Variants in FAM178B observed in about 807,000 individuals in gnomAD.
The protein encoded by FAM178B is protein FAM178B.
Under a neutral mutation model 91.7 loss-of-function variants are expected in FAM178B, and 82 were observed. The observed-to-expected ratio is 0.89, with a 90% CI of 0.75 to 1.07. FAM178B has a LOEUF of 1.07. Ranked by LOEUF, FAM178B falls within the 50% of genes least tolerant of loss-of-function variation. The pLI is 0.00. For synonymous variants in FAM178B, 368 were observed against 359.4 expected (o/e 1.02, Z -0.27); for missense variants, 769 against 846.7 (o/e 0.91, Z 1.14).
chr2:96,913,639 C>T (rs1434007566), intron 12 of FAM178B, among the ~76,000 whole-genome samples: 4 of 152,334 alleles, frequency 2.6e-5, no homozygotes, highest in East Asian at 1.9e-4. Flanking sequence ...TCTGCACTTC[C>T]GCTCCATCAG....
In FAM178B at chr2:96,968,671, C is replaced by T. The variant is rs567765517; in HGVS notation, c.627-1044G>A. ...CCACCAGAAGCCCCATCACCCTCCT[C>T]CCAGGGGCCTCCTGGCTGTGAGCCC... On this transcript the variant is annotated intron_variant, in intron 4 of 16. Transcript: ENST00000490605. Among the ~76,000 whole-genome samples, 164 of 131,430 alleles carry T rather than the reference C, an allele frequency of 1.2e-3. 2 individuals carry two copies. Among genetic ancestry groups the T allele is most frequent in the African/African-American group, 4.6e-3 (156 of 34,080 alleles). 86.2% of individuals were successfully genotyped at this position (131,430 alleles called of 152,430 possible).
intron 13 of FAM178B, among the ~76,000 whole-genome samples, chr2:96,896,521 G>A (rs10182668): frequency 0.23 from 34,913 of 151,904 alleles, 5,368 homozygotes; most frequent in South Asian, 0.65. Flanking sequence ...ACAAACACTC[G>A]GCCGCTTAGG....
intron 14 of FAM178B, among the ~76,000 whole-genome samples, chr2:96,888,185 A>C (rs1040009505): frequency 6.6e-6 from 1 of 152,218 alleles, no homozygotes; most frequent in East Asian, 1.9e-4. Flanking sequence ...ATTTTTAAAG[A>C]TGTCTGATGT....
chr2:96,946,921 C>T (rs2081838756), intron 8 of FAM178B, among the ~76,000 whole-genome samples: 1 of 152,234 alleles, frequency 6.6e-6, no homozygotes, highest in Non-Finnish European at 1.5e-5. Flanking sequence ...TGACAGATGG[C>T]TCCAGCTCAG....
chr2:96,907,944 C>A (rs1222160745), intron 12 of FAM178B, among the ~76,000 whole-genome samples: 1 of 152,252 alleles, frequency 6.6e-6, no homozygotes, highest in East Asian at 1.9e-4. Context: ...CAGGAAGCAA[C>A]GGCAGTGGCC....
chr2:96,930,044 C>T lies in FAM178B; in HGVS notation c.1079-724G>A, dbSNP rs117190525. On this transcript the variant is annotated intron_variant, in intron 8 of 16. Coordinates refer to ENST00000490605, the MANE Select transcript of FAM178B (RefSeq NM_001122646.3). ...TAGCCTGGGCAACACGGTGAAACCT[C>T]ATCTCTACTAAAATACAAAAGAAAG... 3.7e-3 allele frequency among the ~76,000 whole-genome samples: 558 copies of T among 152,062 alleles called. 13 individuals are homozygous for T. In the East Asian group the frequency reaches 0.055, roughly 15 times the overall value.
At chr2:96,884,179 C>A (rs1419250619) in intron 14 of FAM178B, among the ~76,000 whole-genome samples, 1 of 152,120 alleles carries the variant, frequency 6.6e-6, no homozygotes, top group Non-Finnish European at 1.5e-5. Context: ...GGGACCCCGC[C>A]TTCAGCAGAC....
intron 12 of FAM178B, among the ~76,000 whole-genome samples, chr2:96,908,311 A>G (rs1430578080): frequency 6.6e-6 from 1 of 152,226 alleles, no homozygotes. Flanking sequence ...ACGCACATTG[A>G]CGTGGAGAGG....
chr2:96,918,896 G>T (rs1234416537), intron 12 of FAM178B, among the ~76,000 whole-genome samples: 3 of 152,174 alleles, frequency 2.0e-5, no homozygotes, highest in Non-Finnish European at 4.4e-5. Flanking sequence ...ACCCTGTCCT[G>T]TTCTGTTCCA....
chr2:96,923,726 G>A (rs2081386345), intron 9 of FAM178B, 143 bp from the exon 10 acceptor site: 3 of 650,714 alleles, frequency 4.6e-6, no homozygotes, highest in Non-Finnish European at 8.2e-6. Flanking sequence ...GATCTCATGA[G>A]TTTCTGAGGG....
rs757908136 is a variant in FAM178B at position 96,876,090 on chromosome 2, C to T, written c.*186G>A. 6.5e-5 allele frequency: 39 copies of T among 596,124 alleles called. No homozygotes were observed. The highest frequency in any genetic ancestry group is 1.4e-4 in the East Asian group (5 of 34,906). 36.9% of individuals were successfully genotyped at this position (596,124 alleles called of 1,614,324 possible). On this transcript the variant is annotated 3_prime_UTR_variant, in exon 17 of 17. Transcript: ENST00000490605. The stretch of plus-strand genomic sequence containing the variant: ...TTGCTGAGAGGAGAGGGGGTCGGGG[C>T]GGTGGCAGAGGCAGGCTCTTGCAGA...
rs1460559174 is a variant in FAM178B at position 96,877,947 on chromosome 2, G to T, written c.1950C>A (p.Asp650Glu). The T allele has an allele frequency of 2.5e-6, 4 of 1,613,914 alleles. No individual in the cohort carries two copies. The highest frequency in any genetic ancestry group is 1.7e-4 in the Middle Eastern group (1 of 6,060). The change falls in exon 16 of 17, where the codon GAC (aspartate) becomes GAA (glutamate). Residue 650 changes from aspartate to glutamate, a missense_variant. Asp to Glu is a conservative substitution (Grantham distance 45, BLOSUM62 2). Coordinates refer to ENST00000490605, the MANE Select transcript of FAM178B (RefSeq NM_001122646.3). Reference sequence around the variant, plus strand: ...AACGGATGTAGGTCTGGGTAGCCAGGTCCTTGAGCATGGTGCGGTGCATGG... The same window carrying T: ...AACGGATGTAGGTCTGGGTAGCCAGTTCCTTGAGCATGGTGCGGTGCATGG... ...PQAMHRTMLKDLATQTYIRWQ... is the reference protein window; with the variant it reads ...PQAMHRTMLKELATQTYIRWQ...
chr2:96,918,249 T>C (rs1381488378), intron 12 of FAM178B, among the ~76,000 whole-genome samples: 6 of 150,654 alleles, frequency 4.0e-5, no homozygotes, highest in African/African-American at 1.2e-4. Context: ...GGACAATCTA[T>C]ATAACCTTTG....
At chr2:96,954,108 C>T (rs2081966116) in intron 6 of FAM178B, among the ~76,000 whole-genome samples, 1 of 152,158 alleles carries the variant, frequency 6.6e-6, no homozygotes. Flanking sequence ...CCGAAGTTAT[C>T]CTGAGAATGT....
intron 13 of FAM178B, among the ~76,000 whole-genome samples, chr2:96,895,398 G>A (rs1391107227): frequency 6.6e-6 from 1 of 152,200 alleles, no homozygotes; most frequent in Non-Finnish European, 1.5e-5. Flanking sequence ...TGGCACCTAA[G>A]CTATTAGCCG....
intron 8 of FAM178B, among the ~76,000 whole-genome samples, chr2:96,944,301 G>C (rs1228283143): frequency 6.6e-6 from 1 of 151,764 alleles, no homozygotes; most frequent in Non-Finnish European, 1.5e-5. Flanking sequence ...AACCCTAAAG[G>C]GATAGGATTC....
chr2:96,878,640 G>A (rs1029051977), intron 14 of FAM178B, 147 bp from the exon 15 acceptor site: 9 of 715,978 alleles, frequency 1.3e-5, no homozygotes, highest in Non-Finnish European at 1.9e-5. Flanking sequence ...AGTTTCCAGG[G>A]AGGCATCTTC....
intron 13 of FAM178B, chr2:96,894,974 T>C (rs2080791513): frequency 9.1e-7 from 1 of 1,097,820 alleles, no homozygotes; most frequent in South Asian, 1.3e-5. Context: ...CTCCCTTGCA[T>C]CCCTCTCTTT....
Position 96,935,743 on chromosome 2 carries a change from C to T in FAM178B, c.1079-6423G>A, listed in dbSNP as rs565422375. On this transcript the variant is annotated intron_variant, in intron 8 of 16. Coordinates refer to ENST00000490605, the MANE Select transcript of FAM178B (RefSeq NM_001122646.3). ...CTGCCTCCCAAGTTCAAGCAATTCT[C>T]CTGCCTCAGCCTCTCAAGTGGCTGG... Among the ~76,000 whole-genome samples, 17 of 151,498 alleles carry T rather than the reference C, an allele frequency of 1.1e-4. No homozygotes were observed. The South Asian group carries it at 3.5e-3, about 31-fold the overall frequency.
Sources: gnomAD v4.1 joint callset for allele counts (sites outside exome capture counted in the v4.1 genomes callset) on GRCh38, gnomAD v4.1.1 for gene constraint, MANE v1.5 for transcripts, NCBI Gene and HGNC (gene_info 2026-07-23, HGNC 2026-07-21) for gene names.